Variants in LRRIQ3 observed in about 807,000 individuals in gnomAD.
LRRIQ3 encodes leucine rich repeats and IQ motif containing 3.
Under a neutral mutation model 59.3 loss-of-function variants are expected in LRRIQ3, and 75 were observed. The ratio of observed to expected loss-of-function variants is 1.26; its 90% CI spans 1.05 to 1.53. The LOEUF (loss-of-function observed/expected upper bound fraction) is 1.53, where lower values mean the gene tolerates loss of function less well. Ranked by LOEUF, LRRIQ3 falls within the 40% of genes most tolerant of loss-of-function variation. The pLI, the probability that LRRIQ3 is intolerant of heterozygous loss-of-function variation, is 0.00. For synonymous variants in LRRIQ3, 250 were observed against 231.3 expected, an observed-to-expected ratio of 1.08 and a Z score of -0.73; for missense variants, 831 against 710.0, an observed-to-expected ratio of 1.17 and a Z score of -1.94.
chr1:74,116,034 T>C (rs922597548), intron 4 of LRRIQ3, among the ~76,000 whole-genome samples: 1 of 152,026 alleles, frequency 6.6e-6, no homozygotes, highest in African/African-American at 2.4e-5. Flanking sequence ...GTCCAAAATA[T>C]ACATTCTTTC....
intron 3 of LRRIQ3, among the ~76,000 whole-genome samples, chr1:74,178,771 T>A (rs1322887915): frequency 6.6e-6 from 1 of 152,166 alleles, no homozygotes; most frequent in African/African-American, 2.4e-5. Flanking sequence ...GTTCCAGTCA[T>A]AGAAGTCTAT....
intron 5 of LRRIQ3, chr1:74,108,840 A>G (rs1485507300): frequency 2.8e-6 from 1 of 358,320 alleles, no homozygotes; most frequent in East Asian, 1.0e-4. Context: ...ATTAACCTCT[A>G]TGTCTCTTAG....
At chr1:74,098,562 C>T (rs1366673355) in intron 5 of LRRIQ3, among the ~76,000 whole-genome samples, 3 of 152,198 alleles carry the variant, frequency 2.0e-5, no homozygotes, top group African/African-American at 7.2e-5. Context: ...ACCTAATAGA[C>T]ATCTACAGAA....
intron 1 of LRRIQ3, among the ~76,000 whole-genome samples, chr1:74,185,445 C>T (rs1380879705): frequency 6.6e-6 from 1 of 152,084 alleles, no homozygotes; most frequent in Non-Finnish European, 1.5e-5. Context: ...TGTATATCTT[C>T]CTTGGTGAGT....
At chr1:74,113,203 T>G (rs1360462277) in intron 4 of LRRIQ3, among the ~76,000 whole-genome samples, 2 of 151,522 alleles carry the variant, frequency 1.3e-5, no homozygotes, top group African/African-American at 2.4e-5. Flanking sequence ...ACAAAAAAAT[T>G]TTACTATGGT....
At chr1:74,049,748 T>G (rs183613276) in intron 6 of LRRIQ3, among the ~76,000 whole-genome samples, 3 of 152,122 alleles carry the variant, frequency 2.0e-5, no homozygotes, top group Non-Finnish European at 4.4e-5. Context: ...CAACGTCATA[T>G]TCAAATTGTT....
At chr1:74,129,512 C>T (rs978486057) in intron 4 of LRRIQ3, among the ~76,000 whole-genome samples, 8 of 152,022 alleles carry the variant, frequency 5.3e-5, no homozygotes, top group Non-Finnish European at 1.5e-5. Flanking sequence ...AGAGAGGGTA[C>T]AGCAATGCCA....
intron 4 of LRRIQ3, among the ~76,000 whole-genome samples, chr1:74,128,310 G>C (rs1212454451): frequency 6.6e-6 from 1 of 151,836 alleles, no homozygotes; most frequent in Non-Finnish European, 1.5e-5. Context: ...TGTCTCCTCT[G>C]TATGTTTTGT....
At chr1:74,128,050 T>G (rs1321317014) in intron 4 of LRRIQ3, among the ~76,000 whole-genome samples, 1 of 152,076 alleles carries the variant, frequency 6.6e-6, no homozygotes, top group Non-Finnish European at 1.5e-5. Flanking sequence ...CATTCTCTCC[T>G]GGCCTAAAAG....
chr1:74,043,160 A>G (rs1654098900), intron 6 of LRRIQ3, among the ~76,000 whole-genome samples: 1 of 152,152 alleles, frequency 6.6e-6, no homozygotes, highest in Admixed American at 6.6e-5. Flanking sequence ...TGAATTCAGA[A>G]TCAGGTGACA....
intron 6 of LRRIQ3, among the ~76,000 whole-genome samples, chr1:74,043,124 T>A (rs554282731): frequency 6.6e-6 from 1 of 152,128 alleles, no homozygotes; most frequent in African/African-American, 2.4e-5. Flanking sequence ...GTTGTTTGCA[T>A]ATTTACTTTT....
intron 4 of LRRIQ3, among the ~76,000 whole-genome samples, chr1:74,131,903 A>C (rs2100612356): frequency 6.6e-6 from 1 of 152,270 alleles, no homozygotes; most frequent in East Asian, 1.9e-4. Flanking sequence ...AAAGAAATAA[A>C]GGGTATTCAA....
rs1649922898 is a variant in LRRIQ3, at chr1:74,180,683, T to C, written c.573+1855A>G. The C allele has an allele frequency of 9.1e-6, 14 of 1,542,222 alleles. 1 individual carries two copies. The South Asian group carries it at 1.3e-4, about 15-fold the overall frequency. ...CTGTCTGTCATTTGTGATGCAATGTTGACTGCAGACTTGTTGAAATCCCAC... is the reference window on the plus strand; with the variant it reads ...CTGTCTGTCATTTGTGATGCAATGTCGACTGCAGACTTGTTGAAATCCCAC... On this transcript the variant is annotated intron_variant, in intron 3 of 7. Transcript: ENST00000354431.
In LRRIQ3 at chr1:74,059,899, T is replaced by A. The variant is rs116762894; in HGVS notation, c.997+14762A>T. Among the ~76,000 whole-genome samples the A allele has an allele frequency of 3.3e-3, 498 of 152,248 alleles. 1 individual carries two copies. Among genetic ancestry groups the A allele is most frequent in the African/African-American group, 0.011 (474 of 41,580 alleles). On this transcript the variant is annotated intron_variant, in intron 6 of 7. Transcript: ENST00000354431. The stretch of plus-strand genomic sequence containing the variant: ...GAAGTCCTGTACTTCCTTCATTAAA[T>A]TTATTCCTAGTTATTTTATTCTTTT...
intron 5 of LRRIQ3, among the ~76,000 whole-genome samples, chr1:74,087,961 A>T (rs919099076): frequency 6.6e-6 from 1 of 151,634 alleles, no homozygotes; most frequent in African/African-American, 2.4e-5. Context: ...GCTGGGTGTG[A>T]TGGCGCCTGT....
chr1:74,134,835 C>G (rs147039348), intron 4 of LRRIQ3, among the ~76,000 whole-genome samples: 1 of 151,584 alleles, frequency 6.6e-6, no homozygotes, highest in African/African-American at 2.4e-5. Flanking sequence ...AGGAGAAATA[C>G]AGGGAAATAC....
At chr1:74,191,503 C>T (rs1650766842) in intron 1 of LRRIQ3, among the ~76,000 whole-genome samples, 2 of 152,154 alleles carry the variant, frequency 1.3e-5, no homozygotes, top group South Asian at 4.2e-4. Flanking sequence ...TTCAAGCTCA[C>T]ATGGAGCATT....
intron 5 of LRRIQ3, among the ~76,000 whole-genome samples, chr1:74,101,239 G>T (rs1219004185): frequency 2.6e-5 from 4 of 152,242 alleles, no homozygotes; most frequent in Non-Finnish European, 5.9e-5. Context: ...CCATCAAAAA[G>T]TGGGCAATGG....
intron 5 of LRRIQ3, among the ~76,000 whole-genome samples, chr1:74,076,610 T>C (rs1646213329): frequency 6.6e-6 from 1 of 152,084 alleles, no homozygotes; most frequent in Non-Finnish European, 1.5e-5. Context: ...TCAAACCTCC[T>C]TTATTTGATG....
Sources: gnomAD v4.1 joint callset for allele counts (sites outside exome capture counted in the v4.1 genomes callset) on GRCh38, gnomAD v4.1.1 for gene constraint, MANE v1.5 for transcripts, NCBI Gene and HGNC (gene_info 2026-07-23, HGNC 2026-07-21) for gene names.